Variants in DOCK5 observed in about 807,000 individuals in gnomAD.
The protein encoded by DOCK5 is dedicator of cytokinesis protein 5.
In DOCK5, 142 loss-of-function variants were observed where a neutral mutation model predicts 251.8. That is an observed-to-expected ratio of 0.56 (90% CI 0.49 to 0.65). DOCK5 has a LOEUF of 0.65. DOCK5 is among the 30% of genes least tolerant of loss of function. The probability of loss-of-function intolerance (pLI) is 0.00; values close to 1 mark genes in which losing one functional copy is unlikely to be tolerated. For synonymous variants in DOCK5, 842 were observed against 835.5 expected (o/e 1.01, Z -0.13); for missense variants, 2,111 against 2,312.3 (o/e 0.91, Z 1.79).
chr8:25,336,272 T>G lies in DOCK5; in HGVS notation c.2226T>G (p.Ala742=). Residue 742 remains alanine (A), a synonymous_variant, in exon 22 of 52, where the codon GCT becomes GCG. Transcript: ENST00000276440. ...CCAAGGTACTGAACTTCTATGTGGC[T>G]AATGCAGATGACTCCAGCAAGACTG... The part of the protein sequence containing the change: ...KLSKVLNFYV[A]NADDSSKTEL... 6.2e-7 allele frequency: 1 copy of G among 1,613,916 alleles called. No homozygotes were observed. Among genetic ancestry groups the G allele is most frequent in the Non-Finnish European group, 8.5e-7 (1 of 1,179,836 alleles).
intron 2 of DOCK5, among the ~76,000 whole-genome samples, chr8:25,263,624 G>A (rs149082130): frequency 2.0e-4 from 30 of 151,352 alleles, no homozygotes; most frequent in Non-Finnish European, 3.5e-4. Flanking sequence ...CCCTCACCCC[G>A]TTTTAGCTCA....
chr8:25,193,744 G>A (rs1185717998), intron 1 of DOCK5, among the ~76,000 whole-genome samples: 1 of 151,608 alleles, frequency 6.6e-6, no homozygotes, highest in Non-Finnish European at 1.5e-5. Flanking sequence ...CAGCCTGGGT[G>A]AGCGAGTGAG....
rs767693384 is a variant in DOCK5, at chr8:25,399,877, G to A, written c.4705-34G>A. ...GGCTTTCCTGCACAGATAGGAATGT[G>A]TTCTAATTAAAACTTGCATATGCTT... On this transcript the variant is annotated intron_variant, in intron 45 of 51. Coordinates refer to ENST00000276440, the MANE Select transcript of DOCK5 (RefSeq NM_024940.8). The A allele has an allele frequency of 4.6e-6, 7 of 1,533,506 alleles. No homozygotes were observed. The South Asian group carries it at 5.8e-5, about 13-fold the overall frequency. The allele number at this position is 1,533,506 out of a possible 1,614,324, so 95.0% of individuals were successfully genotyped here.
At chr8:25,364,748 T>G in intron 30 of DOCK5, 44 bp downstream of exon 30, 39 of 1,353,318 alleles carry the variant, frequency 2.9e-5, no homozygotes, top group Non-Finnish European at 3.5e-5. Flanking sequence ...TTCTTGGCCA[T>G]GGCAAGAGAA....
intron 3 of DOCK5, among the ~76,000 whole-genome samples, chr8:25,270,002 G>A (rs948336105): frequency 1.2e-4 from 19 of 152,108 alleles, no homozygotes; most frequent in African/African-American, 4.6e-4. Flanking sequence ...TTAGAAACCA[G>A]GACTGCTTCT....
chr8:25,273,823 A>T (rs1222009881), intron 3 of DOCK5, among the ~76,000 whole-genome samples: 1 of 152,122 alleles, frequency 6.6e-6, no homozygotes, highest in Admixed American at 6.5e-5. Context: ...TTATTTGATC[A>T]GTTTTCCAAA....
intron 20 of DOCK5, 83 bp downstream of exon 20, chr8:25,332,775 A>G: frequency 1.0e-6 from 1 of 1,004,200 alleles, no homozygotes; most frequent in Non-Finnish European, 1.4e-6. Context: ...TGATTGTGTG[A>G]ATATCTTCTC....
At position 25,317,079 on chromosome 8, in the gene DOCK5, AGAATGTG is replaced by A. The variant is rs1262407362; in HGVS notation, c.1394_1400del (p.Asn465ArgfsTer2). 1 of 1,613,996 alleles carries A rather than the reference AGAATGTG, an allele frequency of 6.2e-7. No individual in the cohort carries two copies. Among genetic ancestry groups the A allele is most frequent in the South Asian group, 1.1e-5 (1 of 91,082 alleles). ...GACAAAGGGAAGAAGAAGACGCCAA[AGAATGTG>A]GAGGTGACGATGTCTGTGCACGATG... On this transcript the variant is annotated frameshift_variant, in exon 14 of 52. Coordinates refer to ENST00000276440, the MANE Select transcript of DOCK5 (RefSeq NM_024940.8). LOFTEE classifies it high-confidence loss of function.
intron 26 of DOCK5, 76 bp from the exon 27 acceptor site, chr8:25,351,655 C>T (rs1800470540): frequency 8.7e-7 from 1 of 1,151,120 alleles, no homozygotes. Context: ...AAAGACAAAA[C>T]TCATCTATCT....
intron 25 of DOCK5, among the ~76,000 whole-genome samples, chr8:25,344,282 G>A (rs573785881): frequency 2.0e-4 from 31 of 152,316 alleles, no homozygotes; most frequent in African/African-American, 7.2e-4. Flanking sequence ...ATATAAACAG[G>A]AGGTCCAGCA....
intron 13 of DOCK5, among the ~76,000 whole-genome samples, chr8:25,311,938 T>A (rs1019185480): frequency 2.0e-5 from 3 of 150,546 alleles, no homozygotes; most frequent in East Asian, 1.9e-4. Context: ...AAAAAAAAAA[T>A]TAGGTTATTT....
intron 1 of DOCK5, among the ~76,000 whole-genome samples, chr8:25,197,819 C>T (rs1249330385): frequency 4.7e-5 from 7 of 149,762 alleles, no homozygotes; most frequent in Admixed American, 2.0e-4. Flanking sequence ...GGCGCAATCT[C>T]GGCTCACTGC....
At chr8:25,403,534 C>T in intron 47 of DOCK5, 24 bp from the exon 48 acceptor site, 1 of 1,612,152 alleles carries the variant, frequency 6.2e-7, no homozygotes, top group African/African-American at 1.3e-5. Flanking sequence ...GGTCCGCTAA[C>T]CATGTGGAGT....
intron 1 of DOCK5, among the ~76,000 whole-genome samples, chr8:25,236,739 C>A (rs1484571882): frequency 2.6e-5 from 4 of 151,574 alleles, no homozygotes; most frequent in African/African-American, 7.3e-5. Flanking sequence ...AGCCACCACA[C>A]CCAGCTAGTT....
At chr8:25,384,009 GAC>G (rs1801115193) in intron 40 of DOCK5, among the ~76,000 whole-genome samples, 1 of 152,138 alleles carries the variant, frequency 6.6e-6, no homozygotes, top group Non-Finnish European at 1.5e-5. Context: ...AGTCACCAAA[GAC>G]AGGATCCAAT....
chr8:25,387,335 C>T (rs1049433947), intron 40 of DOCK5, among the ~76,000 whole-genome samples: 2 of 152,110 alleles, frequency 1.3e-5, no homozygotes, highest in African/African-American at 2.4e-5. Context: ...TGCACCATCA[C>T]GCCCAGTTAA....
chr8:25,278,470 C>A, intron 4 of DOCK5, 99 bp from the exon 5 acceptor site: 1 of 1,193,234 alleles, frequency 8.4e-7, no homozygotes, highest in Non-Finnish European at 1.2e-6. Context: ...GCCTAACCAG[C>A]TTCATTCTCA....
intron 13 of DOCK5, 106 bp downstream of exon 13, chr8:25,310,638 C>A: frequency 7.3e-7 from 1 of 1,361,210 alleles, no homozygotes; most frequent in Non-Finnish European, 9.7e-7. Flanking sequence ...TATTTACATT[C>A]ATTGGTCCTG....
At chr8:25,353,036 A>G (rs911590317) in intron 27 of DOCK5, among the ~76,000 whole-genome samples, 4 of 152,180 alleles carry the variant, frequency 2.6e-5, no homozygotes, top group Admixed American at 6.5e-5. Flanking sequence ...CAGAACCTGT[A>G]GGGTGATGGA....
Sources: gnomAD v4.1 joint callset for allele counts (sites outside exome capture counted in the v4.1 genomes callset) on GRCh38, gnomAD v4.1.1 for gene constraint, MANE v1.5 for transcripts, NCBI Gene and HGNC (gene_info 2026-07-23, HGNC 2026-07-21) for gene names.